The following MACF1 variants were observed in gnomAD, a reference collection of about 807,000 sequenced individuals.
MACF1 encodes the protein microtubule-actin cross-linking factor 1.
Under a neutral mutation model 854.8 loss-of-function variants are expected in MACF1, and 193 were observed. The observed-to-expected ratio is 0.23, with a 90% CI of 0.20 to 0.25. MACF1 has a LOEUF of 0.25. MACF1 is among the 10% of genes least tolerant of loss of function. MACF1 has a pLI of 1.00. For synonymous variants in MACF1, 3,185 were observed against 3,226.7 expected, an observed-to-expected ratio of 0.99 and a Z score of 0.44; for missense variants, 7,722 against 8,929.1, an observed-to-expected ratio of 0.86 and a Z score of 5.45.
chr1:39,360,008 AAAAAATATATATATATATATATATATAT>A (rs1322370213), intron 47 of MACF1, among the ~76,000 whole-genome samples: 2 of 51,586 alleles, frequency 3.9e-5, no homozygotes, highest in Admixed American at 2.1e-4. Flanking sequence ...AAAAAAAAAA[AAAAAATATATATATATATATATATATAT>A]ATATATATAT....
At chr1:39,359,007 A>T (rs1222494834) in intron 46 of MACF1, 134 bp downstream of exon 46, 1 of 1,408,720 alleles carries the variant, frequency 7.1e-7, no homozygotes, top group Non-Finnish European at 9.7e-7. Context: ...CTGAGTGCTA[A>T]ACACTTGCTT....
chr1:39,090,386 C>T (rs1239446504), intron 2 of MACF1, among the ~76,000 whole-genome samples: 1 of 152,234 alleles, frequency 6.6e-6, no homozygotes, highest in Non-Finnish European at 1.5e-5. Context: ...ACACCACCAG[C>T]TCAGCTCCAG....
chr1:39,451,888 C>G (rs1644348024), intron 85 of MACF1, among the ~76,000 whole-genome samples: 3 of 151,630 alleles, frequency 2.0e-5, no homozygotes, highest in Non-Finnish European at 2.9e-5. Context: ...CTTTTTTTCC[C>G]CTTGAGATTG....
At chr1:39,463,557 G>T (rs1192325818) in intron 93 of MACF1, 55 bp from the exon 94 acceptor site, 2 of 1,243,972 alleles carry the variant, frequency 1.6e-6, no homozygotes, top group African/African-American at 1.5e-5. Flanking sequence ...TTGTTTCTCT[G>T]AATAGGAAGT....
intron 1 of MACF1, among the ~76,000 whole-genome samples, chr1:39,218,977 C>T (rs1644615031): frequency 6.6e-6 from 1 of 152,106 alleles, no homozygotes; most frequent in Admixed American, 6.6e-5. Context: ...GACGGGGTTT[C>T]ACCATGTTGG....
intron 58 of MACF1, chr1:39,411,424 G>A: frequency 1.2e-6 from 2 of 1,613,946 alleles, no homozygotes; most frequent in Non-Finnish European, 1.7e-6. Flanking sequence ...GAGGACTTTT[G>A]GCCACCTATC....
At chr1:39,269,063 G>T in intron 6 of MACF1, 1 of 1,289,716 alleles carries the variant, frequency 7.8e-7, no homozygotes, top group South Asian at 1.2e-5. Flanking sequence ...CCCACCTTTT[G>T]TTAGAGAATG....
chr1:39,466,561 CCT>C (rs1469862834), intron 95 of MACF1, among the ~76,000 whole-genome samples: 3 of 152,188 alleles, frequency 2.0e-5, no homozygotes, highest in African/African-American at 7.2e-5. Flanking sequence ...ATACTCCCTG[CCT>C]CTCACCCATC....
chr1:39,177,832 C>G (rs1175277591), intron 2 of MACF1, among the ~76,000 whole-genome samples: 4 of 152,044 alleles, frequency 2.6e-5, no homozygotes, highest in Non-Finnish European at 5.9e-5. Flanking sequence ...CTCAGTGACT[C>G]TTAAGTTTTA....
chr1:39,134,034 C>CTTTTTTTTTTTT, intron 2 of MACF1, among the ~76,000 whole-genome samples: 1 of 71,602 alleles, frequency 1.4e-5, no homozygotes, highest in Non-Finnish European at 2.3e-5. Context: ...GAAGAACAGT[C>CTTTTTTTTTTTT]TTTTTTTTTT....
chr1:39,229,113 A>G (rs1403072728), intron 1 of MACF1, among the ~76,000 whole-genome samples: 1 of 152,220 alleles, frequency 6.6e-6, no homozygotes, highest in African/African-American at 2.4e-5. Context: ...AATATTGTAG[A>G]TTTATGGGAG....
intron 2 of MACF1, among the ~76,000 whole-genome samples, chr1:39,151,062 C>G (rs1049421082): frequency 2.6e-5 from 4 of 152,314 alleles, no homozygotes; most frequent in African/African-American, 7.2e-5. Context: ...TTTGACTCAA[C>G]ATGTTCCAGA....
chr1:39,296,729 A>G (rs539711441), intron 20 of MACF1, among the ~76,000 whole-genome samples: 3 of 70,414 alleles, frequency 4.3e-5, no homozygotes, highest in Admixed American at 3.2e-4. Context: ...GTGTCTAAAT[A>G]AAAAGAAAGA....
intron 2 of MACF1, among the ~76,000 whole-genome samples, chr1:39,163,631 G>C (rs1643849973): frequency 6.6e-6 from 1 of 152,098 alleles, no homozygotes; most frequent in African/African-American, 2.4e-5. Context: ...TCTTAGTTCT[G>C]ATACATTTGT....
At chr1:39,201,971 T>C (rs1644395467), upstream of MACF1, among the ~76,000 whole-genome samples, 1 of 129,268 alleles carries the variant, frequency 7.7e-6, no homozygotes, top group Non-Finnish European at 1.6e-5. Flanking sequence ...TTTTTTTTTT[T>C]TTTTTTTTTT....
chr1:39,339,236 C>T (rs544863158), intron 38 of MACF1, among the ~76,000 whole-genome samples: 16 of 151,996 alleles, frequency 1.1e-4, no homozygotes, highest in East Asian at 9.6e-4. Flanking sequence ...GTCTGGGAGA[C>T]GGAGTGAGAC....
At chr1:39,417,000 T>A (rs1643339785) in intron 58 of MACF1, among the ~76,000 whole-genome samples, 2 of 152,242 alleles carry the variant, frequency 1.3e-5, no homozygotes, top group Admixed American at 1.3e-4. Context: ...TTTTCCAAGA[T>A]GAGAGGTTAA....
intron 2 of MACF1, among the ~76,000 whole-genome samples, chr1:39,245,218 A>G (rs908013738): frequency 6.6e-6 from 1 of 152,164 alleles, no homozygotes; most frequent in Admixed American, 6.5e-5. Flanking sequence ...TTGTCTTTTC[A>G]GTACTCTGTA....
intron 58 of MACF1, chr1:39,411,697 G>A: frequency 6.2e-7 from 1 of 1,613,920 alleles, no homozygotes; most frequent in Non-Finnish European, 8.5e-7. Flanking sequence ...TTTATGTGAA[G>A]AAGGAGTAAC....
Sources: gnomAD v4.1 joint callset for allele counts (sites outside exome capture counted in the v4.1 genomes callset) on GRCh38, gnomAD v4.1.1 for gene constraint, MANE v1.5 for transcripts, NCBI Gene and HGNC (gene_info 2026-07-23, HGNC 2026-07-21) for gene names.